PDE1C: variants seen among roughly 807,000 people sequenced by gnomAD.
PDE1C encodes the protein phosphodiesterase 1C.
PDE1C carries 62 observed loss-of-function variants against 93.1 expected under a neutral mutation model. The observed-to-expected ratio is 0.67, with a 90% confidence interval of 0.54 to 0.82. The LOEUF (loss-of-function observed/expected upper bound fraction) is 0.82. PDE1C is among the 40% of genes least tolerant of loss of function. The pLI is 0.00. For synonymous variants in PDE1C, 325 were observed against 310.1 expected (o/e 1.05, Z -0.50); for missense variants, 742 against 884.6 (o/e 0.84, Z 2.04).
At chr7:31,632,630 GACTAA>G in the PDE1C span, among the ~76,000 whole-genome samples, 2 of 152,060 alleles carry the variant, frequency 1.3e-5, no homozygotes, top group Admixed American at 1.3e-4. Context: ...CACAACTTCT[GACTAA>G]ACTAACACAA....
At chr7:32,193,917 T>C (rs1022874447) in intron 2 of PDE1C, among the ~76,000 whole-genome samples, 2 of 60,976 alleles carry the variant, frequency 3.3e-5, no homozygotes, top group African/African-American at 1.0e-4. Flanking sequence ...TTTTGTTTTG[T>C]TTTTTTTTTT....
intron 2 of PDE1C, among the ~76,000 whole-genome samples, chr7:32,199,016 G>GGGA (rs1221764254): frequency 6.6e-6 from 1 of 151,974 alleles, no homozygotes; most frequent in Non-Finnish European, 1.5e-5. Flanking sequence ...CCAGCTACTT[G>GGGA]GGAGGCTGAG....
At chr7:31,866,011 T>C (rs868618135) in intron 6 of PDE1C, among the ~76,000 whole-genome samples, 6 of 152,294 alleles carry the variant, frequency 3.9e-5, no homozygotes, top group Middle Eastern at 6.8e-3. Flanking sequence ...GTCTGAAATA[T>C]GTATAATATA....
chr7:31,907,460 C>A (rs1222184240), intron 2 of PDE1C, among the ~76,000 whole-genome samples: 1 of 152,136 alleles, frequency 6.6e-6, no homozygotes, highest in Admixed American at 6.6e-5. Flanking sequence ...GTTATATGAA[C>A]TACTGTGAGG....
intron 1 of PDE1C, among the ~76,000 whole-genome samples, chr7:32,256,445 C>CG (rs1251379936): frequency 6.6e-6 from 1 of 152,148 alleles, no homozygotes; most frequent in Admixed American, 6.5e-5. Context: ...CCCTGGAATT[C>CG]GCACCCCAGC....
At chr7:32,187,963 T>C (rs535574389) in intron 2 of PDE1C, among the ~76,000 whole-genome samples, 3 of 152,324 alleles carry the variant, frequency 2.0e-5, no homozygotes, top group Admixed American at 1.3e-4. Context: ...TGATTCCTGT[T>C]TCAATTGGCT....
chr7:31,869,714 T>A (rs930036007), intron 6 of PDE1C, among the ~76,000 whole-genome samples: 4 of 152,156 alleles, frequency 2.6e-5, no homozygotes, highest in African/African-American at 9.6e-5. Context: ...ACAGAACATC[T>A]ATACAGAAAA....
chr7:31,730,301 G>A, the PDE1C span, among the ~76,000 whole-genome samples: 1 of 152,132 alleles, frequency 6.6e-6, no homozygotes, highest in Non-Finnish European at 1.5e-5. Context: ...CATATTTCAG[G>A]AATGCTGACC....
At chr7:32,253,251 T>C (rs1290952143) in intron 1 of PDE1C, among the ~76,000 whole-genome samples, 1 of 152,210 alleles carries the variant, frequency 6.6e-6, no homozygotes, top group East Asian at 1.9e-4. Context: ...CCAAAAACAG[T>C]GAATCCAGAC....
rs3079623 is a variant in PDE1C, at chr7:32,341,173, C to CTTTTTTTTTT, written c.310+86639_310+86648dup. ...CCTAAAACTACTCTAGAAATAAAGT[C>CTTTTTTTTTT]TTTTTTTTTTTTTTTTTTTTGAGAC... On this transcript the variant is annotated intron_variant, in intron 1 of 1. Coordinates refer to the PDE1C transcript ENST00000672256. 4.7e-4 allele frequency among the ~76,000 whole-genome samples: 40 copies of CTTTTTTTTTT among 84,958 alleles called. 2 individuals carry two copies. Among genetic ancestry groups the CTTTTTTTTTT allele is most frequent in the South Asian group, 1.2e-3 (2 of 1,668 alleles). The allele number at this position is 84,958 out of a possible 152,430, so 55.7% of individuals were successfully genotyped here. A position where few individuals can be genotyped will look rare whatever the true frequency, so the allele number is the denominator to read the frequency against.
At chr7:31,718,865 CG>C in the PDE1C span, among the ~76,000 whole-genome samples, 5 of 152,212 alleles carry the variant, frequency 3.3e-5, no homozygotes, top group South Asian at 1.0e-3. Flanking sequence ...GGGATCACCT[CG>C]GGGGGAAGTG....
chr7:31,858,931 C>G (rs1583638940), intron 7 of PDE1C, among the ~76,000 whole-genome samples: 3 of 151,504 alleles, frequency 2.0e-5, no homozygotes, highest in African/African-American at 7.3e-5. Flanking sequence ...AAAGTAAAAA[C>G]ACACACATAT....
At chr7:32,306,683 T>C (rs186140853) in intron 1 of PDE1C, among the ~76,000 whole-genome samples, 4 of 152,178 alleles carry the variant, frequency 2.6e-5, no homozygotes, top group Admixed American at 2.6e-4. Flanking sequence ...TGTAGAAAAA[T>C]TGATACTTAG....
intron 2 of PDE1C, among the ~76,000 whole-genome samples, chr7:32,201,084 C>G (rs1248615938): frequency 6.6e-6 from 1 of 152,224 alleles, no homozygotes; most frequent in Non-Finnish European, 1.5e-5. Context: ...CACATGTTAA[C>G]AGCTTACCGT....
At chr7:31,932,813 C>T (rs1301208155) in intron 2 of PDE1C, among the ~76,000 whole-genome samples, 4 of 152,076 alleles carry the variant, frequency 2.6e-5, no homozygotes, top group Admixed American at 2.0e-4. Context: ...TTGGAACCAA[C>T]CTAAATGCCC....
At chr7:31,956,552 G>A (rs752818724) in intron 2 of PDE1C, among the ~76,000 whole-genome samples, 1 of 149,318 alleles carries the variant, frequency 6.7e-6, no homozygotes, top group Admixed American at 6.7e-5. Context: ...ACAGGCAGAC[G>A]AGCCCTGTTC....
At chr7:32,044,962 C>A (rs554747123) in intron 2 of PDE1C, among the ~76,000 whole-genome samples, 1 of 152,076 alleles carries the variant, frequency 6.6e-6, no homozygotes, top group African/African-American at 2.4e-5. Flanking sequence ...ATACTTACTA[C>A]ATCTCAGCAC....
At chr7:31,806,560 C>A (rs139634706) in intron 16 of PDE1C, among the ~76,000 whole-genome samples, 35 of 152,050 alleles carry the variant, frequency 2.3e-4, no homozygotes, top group Non-Finnish European at 4.7e-4. Context: ...CTGCAGTAGA[C>A]TTACAGAGAT....
chr7:31,770,447 T>C (rs1795413304), intron 17 of PDE1C, among the ~76,000 whole-genome samples: 1 of 152,234 alleles, frequency 6.6e-6, no homozygotes, highest in Non-Finnish European at 1.5e-5. Context: ...CGTTGTTATG[T>C]TTAAGAAACC....
Sources: allele counts gnomAD v4.1 joint callset (sites outside exome capture counted in the v4.1 genomes callset), GRCh38; gene constraint gnomAD v4.1.1; transcripts MANE v1.5; gene names NCBI Gene and HGNC (gene_info 2026-07-23, HGNC 2026-07-21).